Variants in LEKR1 observed in about 807,000 individuals in gnomAD.
LEKR1 encodes the protein leucine, glutamate and lysine rich 1.
In LEKR1, 59 loss-of-function variants were observed where a neutral mutation model predicts 72.4. That is an observed-to-expected ratio of 0.82 (90% CI 0.66 to 1.01). The LOEUF is 1.01. Ranked by LOEUF, LEKR1 falls within the 50% of genes least tolerant of loss-of-function variation. LEKR1 has a pLI of 0.00. For synonymous variants in LEKR1, 257 were observed against 263.2 expected (o/e 0.98, Z 0.23); for missense variants, 728 against 759.2 (o/e 0.96, Z 0.48).
chr3:156,863,486 T>C (rs934837026), intron 3 of LEKR1, among the ~76,000 whole-genome samples: 1 of 152,110 alleles, frequency 6.6e-6, no homozygotes, highest in Non-Finnish European at 1.5e-5. Flanking sequence ...GGTTAATTTT[T>C]ATTTGTTGCA....
At chr3:156,917,244 A>G (rs1723744577) in intron 3 of LEKR1, among the ~76,000 whole-genome samples, 1 of 152,098 alleles carries the variant, frequency 6.6e-6, no homozygotes. Context: ...TAAGAAAGCT[A>G]AGAGATCTGT....
intron 7 of LEKR1, among the ~76,000 whole-genome samples, chr3:156,985,273 A>G (rs1730577030): frequency 6.6e-6 from 1 of 152,200 alleles, no homozygotes; most frequent in Non-Finnish European, 1.5e-5. Context: ...GGGGTGGTAT[A>G]CTTTTGACAG....
intron 6 of LEKR1, among the ~76,000 whole-genome samples, chr3:156,968,212 A>G (rs1478972442): frequency 6.6e-6 from 1 of 152,218 alleles, no homozygotes; most frequent in Non-Finnish European, 1.5e-5. Flanking sequence ...AAGAAACTGC[A>G]TCAACTAACG....
At chr3:157,014,114 A>G (rs1360464405) in intron 10 of LEKR1, among the ~76,000 whole-genome samples, 2 of 152,214 alleles carry the variant, frequency 1.3e-5, no homozygotes, top group Admixed American at 1.3e-4. Context: ...AATGTACAAT[A>G]TTGTTACTAT....
chr3:156,925,665 C>T (rs545521141), intron 4 of LEKR1, among the ~76,000 whole-genome samples: 1 of 151,988 alleles, frequency 6.6e-6, no homozygotes, highest in Non-Finnish European at 1.5e-5. Context: ...GGGAGGGCTC[C>T]TGGTGAAAGC....
intron 3 of LEKR1, among the ~76,000 whole-genome samples, chr3:156,884,981 T>G (rs747404216): frequency 6.6e-6 from 1 of 152,108 alleles, no homozygotes; most frequent in South Asian, 2.1e-4. Context: ...TTTTCTAAAA[T>G]TGTTTTCTCT....
At chr3:156,946,625 G>A (rs920868445) in intron 6 of LEKR1, among the ~76,000 whole-genome samples, 1 of 151,268 alleles carries the variant, frequency 6.6e-6, no homozygotes, top group Admixed American at 6.6e-5. Context: ...TCTATACCCA[G>A]TTTTTTCAGG....
intron 3 of LEKR1, among the ~76,000 whole-genome samples, chr3:156,890,735 A>T (rs1403735744): frequency 6.6e-6 from 1 of 152,180 alleles, no homozygotes; most frequent in African/African-American, 2.4e-5. Flanking sequence ...TGTGTTGGTA[A>T]TTGAGATCAG....
chr3:157,034,871 G>T (rs906785759), intron 12 of LEKR1, among the ~76,000 whole-genome samples: 10 of 152,020 alleles, frequency 6.6e-5, no homozygotes, highest in Non-Finnish European at 2.9e-5. Context: ...GGAGTGCAGT[G>T]GCGCAATCTC....
intron 3 of LEKR1, among the ~76,000 whole-genome samples, chr3:156,912,629 C>T (rs1017269755): frequency 1.3e-5 from 2 of 152,198 alleles, no homozygotes; most frequent in Non-Finnish European, 2.9e-5. Flanking sequence ...CAAGGGAGTT[C>T]ATCCCCACTC....
intron 2 of LEKR1, among the ~76,000 whole-genome samples, chr3:156,842,158 A>G (rs914882969): frequency 5.9e-5 from 9 of 152,230 alleles, no homozygotes; most frequent in African/African-American, 2.2e-4. Flanking sequence ...GTGCCAAAAA[A>G]ATTGGGGACT....
intron 12 of LEKR1, among the ~76,000 whole-genome samples, chr3:157,034,187 A>C (rs9841461): frequency 0.3 from 45,645 of 152,126 alleles, 8,587 homozygotes; most frequent in East Asian, 0.6. Flanking sequence ...CAGCGCATGA[A>C]TCAAGGAACA....
intron 4 of LEKR1, chr3:156,925,000 G>A (rs1724571358): frequency 6.6e-6 from 1 of 152,300 alleles, no homozygotes; most frequent in South Asian, 2.1e-4. Flanking sequence ...GATAGGTATA[G>A]TATTGAATCT....
intron 4 of LEKR1, among the ~76,000 whole-genome samples, chr3:156,924,082 T>C (rs967457939): frequency 4.6e-5 from 7 of 152,194 alleles, no homozygotes; most frequent in Admixed American, 3.3e-4. Context: ...CTGCACATTT[T>C]ACATTCCCAC....
At chr3:157,015,992 C>G (rs1422973314) in intron 10 of LEKR1, among the ~76,000 whole-genome samples, 1 of 151,906 alleles carries the variant, frequency 6.6e-6, no homozygotes, top group Admixed American at 6.6e-5. Context: ...AACTTGAAGA[C>G]ACAGCAATAG....
intron 9 of LEKR1, among the ~76,000 whole-genome samples, chr3:156,996,205 A>G (rs1731548589): frequency 6.6e-6 from 1 of 152,128 alleles, no homozygotes; most frequent in South Asian, 2.1e-4. Context: ...AAATTGTGAT[A>G]ATGGATATGA....
At chr3:156,883,412 G>A (rs1457745008) in intron 3 of LEKR1, among the ~76,000 whole-genome samples, 5 of 152,218 alleles carry the variant, frequency 3.3e-5, no homozygotes, top group African/African-American at 1.2e-4. Flanking sequence ...GCTGAAATGA[G>A]TTAAGACTTT....
At chr3:156,926,529 C>G (rs982748768) in intron 4 of LEKR1, among the ~76,000 whole-genome samples, 3 of 151,924 alleles carry the variant, frequency 2.0e-5, no homozygotes, top group Non-Finnish European at 4.4e-5. Context: ...GGCTTATCTT[C>G]TTACTCACTG....
chr3:156,830,483 A>G (rs142867795), intron 2 of LEKR1, among the ~76,000 whole-genome samples: 2 of 152,364 alleles, frequency 1.3e-5, no homozygotes, highest in East Asian at 3.9e-4. Context: ...CACTATTTCA[A>G]GATAAATGAA....
Sources: allele counts gnomAD v4.1 joint callset (sites outside exome capture counted in the v4.1 genomes callset), GRCh38; gene constraint gnomAD v4.1.1; transcripts MANE v1.5; gene names NCBI Gene and HGNC (gene_info 2026-07-23, HGNC 2026-07-21).